The following BSDC1 variants were observed in gnomAD, a reference collection of about 807,000 sequenced individuals.
BSDC1 encodes BSD domain-containing protein 1.
In BSDC1, 29 loss-of-function variants were observed where a neutral mutation model predicts 56.0. The ratio of observed to expected loss-of-function variants is 0.52; its 90% confidence interval spans 0.39 to 0.71. The LOEUF (loss-of-function observed/expected upper bound fraction) is 0.71. Ranked by LOEUF, BSDC1 falls within the 30% of genes least tolerant of loss-of-function variation. BSDC1 has a pLI of 0.00. For synonymous variants in BSDC1, 210 were observed against 215.3 expected, an observed-to-expected ratio of 0.98 and a Z score of 0.21; for missense variants, 477 against 548.5, an observed-to-expected ratio of 0.87 and a Z score of 1.30.
At chr1:32,382,440 G>A (rs1251649177) in intron 4 of BSDC1, among the ~76,000 whole-genome samples, 2 of 151,506 alleles carry the variant, frequency 1.3e-5, no homozygotes, top group African/African-American at 4.9e-5. Context: ...CTCCAGCCTG[G>A]GGGACAGAGG....
rs1642349085 is a variant in BSDC1, at chr1:32,377,894, C to T, written c.676+76G>A. On this transcript the variant is annotated intron_variant, in intron 8 of 10. Coordinates refer to ENST00000455895, the MANE Select transcript of BSDC1 (RefSeq NM_018045.8). ...CTGATGGGCACCAAGTCTCTCCAGG[C>T]TTCAGAGAGCATGGCCCAGCCCAGA... 4 of 1,429,616 alleles carry T rather than the reference C, an allele frequency of 2.8e-6. No individual in the cohort carries two copies. The South Asian group carries it at 5.3e-5, about 19-fold the overall frequency. The allele number at this position is 1,429,616 out of a possible 1,614,324, so 88.6% of individuals were successfully genotyped here.
chr1:32,390,900 G>A (rs940858891), intron 2 of BSDC1, among the ~76,000 whole-genome samples: 2 of 152,048 alleles, frequency 1.3e-5, no homozygotes, highest in African/African-American at 2.4e-5. Context: ...GACAAAGTGA[G>A]AGCCCATCTC....
chr1:32,376,302 C>T lies in BSDC1; in HGVS notation c.1116G>A (p.Ser372=), dbSNP rs372365622. The change falls in exon 9 of 11, where the codon TCG becomes TCA. Residue 372 remains serine, a synonymous_variant. Transcript: ENST00000455895. ...TGGAGGGTGTAGACTTCCCACTATCCGAGTTCAGCTCAAACACCCGTAAGT... is the reference window on the plus strand; with the variant it reads ...TGGAGGGTGTAGACTTCCCACTATCTGAGTTCAGCTCAAACACCCGTAAGT... The part of the protein sequence containing the change: ...PTDLRVFELN[S]DSGKSTPSNN... 25 of 1,577,438 alleles carry T rather than the reference C, an allele frequency of 1.6e-5. No individual in the cohort carries two copies. The East Asian group carries it at 1.8e-4, about 11-fold the overall frequency.
At chr1:32,373,602 G>C (rs1192173372) in intron 9 of BSDC1, among the ~76,000 whole-genome samples, 1 of 152,048 alleles carries the variant, frequency 6.6e-6, no homozygotes, top group East Asian at 1.9e-4. Flanking sequence ...ACTCACTGCA[G>C]CCTCAACCTC....
chr1:32,386,942 C>T, intron 2 of BSDC1, 47 bp from the exon 3 acceptor site: 1 of 1,463,786 alleles, frequency 6.8e-7, no homozygotes, highest in Non-Finnish European at 9.6e-7. Flanking sequence ...GCCCCACCAC[C>T]CCTTGTTCCT....
intron 9 of BSDC1, among the ~76,000 whole-genome samples, 167 bp downstream of exon 9, chr1:32,376,095 T>G (rs753608899): frequency 1.2e-4 from 19 of 152,296 alleles, no homozygotes; most frequent in Non-Finnish European, 2.5e-4. Context: ...TTGTGCAACT[T>G]AGAATGAAAT....
At chr1:32,383,740 G>T in intron 4 of BSDC1, 90 bp downstream of exon 4, 2 of 1,241,598 alleles carry the variant, frequency 1.6e-6, no homozygotes. Flanking sequence ...TTTTTGGCCT[G>T]AACATGGGCT....
At chr1:32,381,718 G>T (rs1169455760) in intron 4 of BSDC1, among the ~76,000 whole-genome samples, 1 of 152,154 alleles carries the variant, frequency 6.6e-6, no homozygotes, top group East Asian at 1.9e-4. Context: ...AGGATCACAG[G>T]GTGGCAAACT....
At chr1:32,391,484 G>A (rs987217229) in intron 2 of BSDC1, among the ~76,000 whole-genome samples, 3 of 152,180 alleles carry the variant, frequency 2.0e-5, no homozygotes, top group African/African-American at 7.2e-5. Flanking sequence ...GAGTATGTGG[G>A]CCCAGATGAG....
At chr1:32,371,303 CTTTTT>C (rs963070889) in intron 9 of BSDC1, among the ~76,000 whole-genome samples, 1 of 117,830 alleles carries the variant, frequency 8.5e-6, no homozygotes, top group African/African-American at 3.4e-5. Context: ...ACTTTGTAAT[CTTTTT>C]TTTTTTTTTT....
intron 9 of BSDC1, among the ~76,000 whole-genome samples, chr1:32,371,512 G>A (rs1411638424): frequency 5.3e-5 from 8 of 151,714 alleles, no homozygotes; most frequent in Admixed American, 3.3e-4. Flanking sequence ...GGGTTTCACC[G>A]TGTTAGCCAG....
chr1:32,371,777 G>A (rs1642099511), intron 9 of BSDC1, among the ~76,000 whole-genome samples: 1 of 152,070 alleles, frequency 6.6e-6, no homozygotes, highest in African/African-American at 2.4e-5. Flanking sequence ...ATGGTATCCT[G>A]CATCATCCTC....
At chr1:32,373,050 A>G (rs1642149550) in intron 9 of BSDC1, among the ~76,000 whole-genome samples, 1 of 152,210 alleles carries the variant, frequency 6.6e-6, no homozygotes, top group South Asian at 2.1e-4. Flanking sequence ...TGGCTAGGGT[A>G]CCCCAAGAGA....
intron 2 of BSDC1, among the ~76,000 whole-genome samples, chr1:32,387,775 T>C (rs1419091720): frequency 6.6e-6 from 1 of 152,192 alleles, no homozygotes; most frequent in Non-Finnish European, 1.5e-5. Flanking sequence ...CTAATTGTAT[T>C]AGTAACAGCA....
intron 10 of BSDC1, chr1:32,368,196 T>C: frequency 6.9e-7 from 1 of 1,440,738 alleles, no homozygotes; most frequent in Non-Finnish European, 9.1e-7. Context: ...TTAAGCAGTT[T>C]CTCAGGCAAT....
chr1:32,377,553 G>T (rs1267557526), intron 8 of BSDC1, among the ~76,000 whole-genome samples: 1 of 152,192 alleles, frequency 6.6e-6, no homozygotes, highest in African/African-American at 2.4e-5. Context: ...GCTACAGGTA[G>T]AAGATGCTCA....
intron 9 of BSDC1, among the ~76,000 whole-genome samples, chr1:32,370,805 A>C (rs1642053108): frequency 3.0e-4 from 13 of 43,024 alleles, no homozygotes; most frequent in African/African-American, 2.4e-3. Flanking sequence ...CTCCGTCTCA[A>C]AAAAAAAAAA....
intron 3 of BSDC1, among the ~76,000 whole-genome samples, chr1:32,384,692 T>C (rs942707562): frequency 6.6e-6 from 1 of 152,166 alleles, no homozygotes; most frequent in Non-Finnish European, 1.5e-5. Flanking sequence ...CAGACCACAC[T>C]GGTCAGAATG....
chr1:32,372,638 A>G (rs1486215294), intron 9 of BSDC1, among the ~76,000 whole-genome samples: 1 of 152,170 alleles, frequency 6.6e-6, no homozygotes, highest in Non-Finnish European at 1.5e-5. Context: ...ACACAAGGAG[A>G]GCACTAAGAT....
Sources: gnomAD v4.1 joint callset for allele counts (sites outside exome capture counted in the v4.1 genomes callset) on GRCh38, gnomAD v4.1.1 for gene constraint, MANE v1.5 for transcripts, NCBI Gene and HGNC (gene_info 2026-07-23, HGNC 2026-07-21) for gene names.